The following PCDH15 variants were observed in gnomAD, a reference collection of about 807,000 sequenced individuals.
The protein encoded by PCDH15 is protocadherin related 15.
Under a neutral mutation model 178.5 loss-of-function variants are expected in PCDH15, and 129 were observed. That is an observed-to-expected ratio of 0.72 (90% CI 0.63 to 0.84). The LOEUF (loss-of-function observed/expected upper bound fraction) is 0.84, where lower values mean the gene tolerates loss of function less well. PCDH15 is among the 40% of genes least tolerant of loss of function. The probability of loss-of-function intolerance (pLI) is 0.00; values close to 1 mark genes in which losing one functional copy is unlikely to be tolerated. For missense variants in PCDH15, 2,230 were observed against 2,099.9 expected (o/e 1.06, Z -1.21); for synonymous variants, 800 against 732.0 (o/e 1.09, Z -1.50).
At chr10:54,212,499 A>T (rs531659758) in intron 10 of PCDH15, among the ~76,000 whole-genome samples, 1 of 151,912 alleles carries the variant, frequency 6.6e-6, no homozygotes, top group East Asian at 1.9e-4. Flanking sequence ...ATCATTTCCC[A>T]CTTTTATTCA....
chr10:54,707,568 C>G (rs1466025373), intron 1 of PCDH15, among the ~76,000 whole-genome samples: 1 of 152,020 alleles, frequency 6.6e-6, no homozygotes, highest in Non-Finnish European at 1.5e-5. Context: ...AAAAATAAAG[C>G]AGCATGTAGA....
intron 2 of PCDH15, among the ~76,000 whole-genome samples, chr10:54,975,621 C>T (rs1318943565): frequency 1.3e-5 from 2 of 151,956 alleles, no homozygotes; most frequent in African/African-American, 4.8e-5. Flanking sequence ...TTGAGATAAA[C>T]ATTAAAGATA....
chr10:55,267,646 T>C (rs535142158), intron 1 of PCDH15, among the ~76,000 whole-genome samples: 1 of 152,334 alleles, frequency 6.6e-6, no homozygotes, highest in African/African-American at 2.4e-5. Context: ...TCATATTTAT[T>C]CAAATGCATG....
intron 2 of PCDH15, among the ~76,000 whole-genome samples, chr10:55,014,017 T>C (rs1016446204): frequency 6.6e-6 from 1 of 152,090 alleles, no homozygotes; most frequent in African/African-American, 2.4e-5. Context: ...TATTATGATA[T>C]AAAAATATAC....
At chr10:54,274,093 C>T (rs1304250437) in intron 8 of PCDH15, among the ~76,000 whole-genome samples, 1 of 151,938 alleles carries the variant, frequency 6.6e-6, no homozygotes, top group African/African-American at 2.4e-5. Flanking sequence ...TATGAGAACA[C>T]ATGGACACAT....
chr10:54,245,790 A>G (rs1045519035), intron 8 of PCDH15, among the ~76,000 whole-genome samples: 1 of 152,070 alleles, frequency 6.6e-6, no homozygotes, highest in Non-Finnish European at 1.5e-5. Flanking sequence ...TGTATAGTAT[A>G]GATTAAAGCA....
chr10:53,995,222 GC>G (rs1278926309), intron 21 of PCDH15: 1 of 173,676 alleles, frequency 5.8e-6, no homozygotes, highest in Admixed American at 5.7e-5. Flanking sequence ...GCAATCTTAA[GC>G]TTTTTAATTT....
chr10:54,594,747 C>T (rs1481139968), intron 2 of PCDH15, among the ~76,000 whole-genome samples: 2 of 152,198 alleles, frequency 1.3e-5, no homozygotes, highest in South Asian at 4.1e-4. Context: ...TGCCATGCCA[C>T]TATTGCTGGC....
chr10:54,072,791 A>G (rs565718757), intron 17 of PCDH15, among the ~76,000 whole-genome samples: 32 of 152,308 alleles, frequency 2.1e-4, no homozygotes, highest in Admixed American at 3.3e-4. Context: ...AATATACAGC[A>G]ATGGCAGAGA....
At chr10:53,829,040 A>G (rs1379630666) in intron 30 of PCDH15, among the ~76,000 whole-genome samples, 1 of 152,182 alleles carries the variant, frequency 6.6e-6, no homozygotes, top group Non-Finnish European at 1.5e-5. Context: ...TAATAAATTT[A>G]TGACAGTTTT....
intron 20 of PCDH15, among the ~76,000 whole-genome samples, chr10:53,999,619 A>G (rs369594310): frequency 2.8e-4 from 42 of 152,308 alleles, no homozygotes; most frequent in African/African-American, 9.9e-4. Context: ...GGTCTTTGAT[A>G]GTGGCACAGG....
At chr10:55,189,750 T>A (rs528156785) in intron 1 of PCDH15, among the ~76,000 whole-genome samples, 1 of 151,994 alleles carries the variant, frequency 6.6e-6, no homozygotes, top group South Asian at 2.1e-4. Context: ...ACTGAAATAA[T>A]GATTGTAGAC....
At chr10:54,123,396 A>G (rs1232576709) in intron 15 of PCDH15, among the ~76,000 whole-genome samples, 2 of 152,166 alleles carry the variant, frequency 1.3e-5, no homozygotes, top group African/African-American at 4.8e-5. Context: ...AAGGGATACA[A>G]GTAGCCAAGA....
chr10:54,573,563 A>G (rs1930153), intron 2 of PCDH15, among the ~76,000 whole-genome samples: 142,497 of 152,250 alleles, frequency 0.94, 66,966 homozygotes, highest in Middle Eastern at 0.98. Context: ...CCCAAAAATA[A>G]TTTTTAACTC....
rs1314071862 is a variant in PCDH15, at chr10:55,103,502, T to A, written c.-80+63074A>T. 2.0e-5 allele frequency among the ~76,000 whole-genome samples: 3 copies of A among 152,300 alleles called. No homozygotes were observed. In the South Asian group the frequency reaches 6.2e-4, roughly 32 times the overall value. On this transcript the variant is annotated intron_variant, in intron 2 of 5. Transcript: ENST00000458638. ...CAATCTCTTTCATGATTTTCTTGAT[T>A]GGTTTTGTTGTAAATCCTGTGAAGT... is the stretch of plus-strand genomic sequence containing the variant.
chr10:54,868,354 G>A (rs1187305726), intron 3 of PCDH15, among the ~76,000 whole-genome samples: 2 of 152,112 alleles, frequency 1.3e-5, no homozygotes, highest in Non-Finnish European at 2.9e-5. Flanking sequence ...CCTTCTCTAA[G>A]ACACCTAGAC....
intron 35 of PCDH15, among the ~76,000 whole-genome samples, chr10:53,813,835 C>T (rs1263670132): frequency 6.6e-6 from 1 of 152,106 alleles, no homozygotes; most frequent in Admixed American, 6.5e-5. Flanking sequence ...GAATATGTTA[C>T]AGGCCAGAAG....
intron 2 of PCDH15, among the ~76,000 whole-genome samples, chr10:55,406,900 A>G (rs1392794503): frequency 6.6e-6 from 1 of 152,222 alleles, no homozygotes; most frequent in Non-Finnish European, 1.5e-5. Flanking sequence ...GTGACAAGTT[A>G]ATTAGGATAA....
rs530197018 is a variant in PCDH15, at chr10:54,151,201, G to A, written c.1784+1899C>T. ...AGGCAGTCTCATTCAAGTCACAAAC[G>A]AGACAAGCATTTTTATTGGAAGTAT... is the stretch of plus-strand genomic sequence containing the variant. On this transcript the variant is annotated intron_variant, in intron 14 of 37. Coordinates refer to ENST00000644397, the MANE Select transcript of PCDH15 (RefSeq NM_001384140.1). Among the ~76,000 whole-genome samples the A allele has an allele frequency of 4.6e-5, 7 of 152,098 alleles. No individual in the cohort carries two copies. The South Asian group carries it at 1.5e-3, about 32-fold the overall frequency.
Sources: allele counts gnomAD v4.1 joint callset (sites outside exome capture counted in the v4.1 genomes callset), GRCh38; gene constraint gnomAD v4.1.1; transcripts MANE v1.5; gene names NCBI Gene and HGNC (gene_info 2026-07-23, HGNC 2026-07-21).